The following PDGFRL variants were observed in gnomAD, a reference collection of about 807,000 sequenced individuals.
The protein encoded by PDGFRL is platelet-derived growth factor receptor-like protein.
Under a neutral mutation model 37.2 loss-of-function variants are expected in PDGFRL, and 46 were observed. The observed-to-expected ratio is 1.24, with a 90% CI of 0.98 to 1.58. The LOEUF (loss-of-function observed/expected upper bound fraction) is 1.58. Ranked by LOEUF, PDGFRL falls within the 40% of genes most tolerant of loss-of-function variation. PDGFRL has a pLI of 0.00. For synonymous variants in PDGFRL, 251 were observed against 184.3 expected, an observed-to-expected ratio of 1.36 and a Z score of -2.93; for missense variants, 692 against 467.6, an observed-to-expected ratio of 1.48 and a Z score of -4.43.
chr8:17,585,369 C>T (rs1039891779), intron 1 of PDGFRL, among the ~76,000 whole-genome samples: 2 of 151,862 alleles, frequency 1.3e-5, no homozygotes, highest in African/African-American at 4.9e-5. Context: ...TGGAGTCTCT[C>T]TGGTTCGAAT....
At chr8:17,624,842 C>T (rs999642904) in intron 3 of PDGFRL, among the ~76,000 whole-genome samples, 1 of 152,016 alleles carries the variant, frequency 6.6e-6, no homozygotes, top group African/African-American at 2.4e-5. Flanking sequence ...CAGGAGGCAG[C>T]GAGTCAAAGT....
At chr8:17,640,516 C>T (rs778646893) in intron 5 of PDGFRL, among the ~76,000 whole-genome samples, 2 of 152,106 alleles carry the variant, frequency 1.3e-5, no homozygotes, top group Non-Finnish European at 2.9e-5. Context: ...GTGTGGCTTC[C>T]TGAGAGCCAA....
At chr8:17,597,456 C>T (rs1269842167) in intron 2 of PDGFRL, among the ~76,000 whole-genome samples, 1 of 152,022 alleles carries the variant, frequency 6.6e-6, no homozygotes, top group Non-Finnish European at 1.5e-5. Flanking sequence ...AAAAGCAGGC[C>T]AACAGAGAGA....
intron 2 of PDGFRL, among the ~76,000 whole-genome samples, chr8:17,611,926 A>G (rs1223242476): frequency 6.6e-6 from 1 of 152,152 alleles, no homozygotes; most frequent in Non-Finnish European, 1.5e-5. Flanking sequence ...GGAAAGAACT[A>G]GAAATGCCGA....
chr8:17,582,882 G>T lies in PDGFRL; in HGVS notation c.55+5575G>T, dbSNP rs1269978111. On this transcript the variant is annotated intron_variant, in intron 1 of 5. Coordinates refer to ENST00000251630, the MANE Select transcript of PDGFRL (RefSeq NM_001372073.1). ...AGACTCAGGAGAATAGAATGGTTTT[G>T]GGGGGCAGGCCCTGCTGCTCTTCTG... Among the ~76,000 whole-genome samples the T allele has an allele frequency of 2.0e-5, 3 of 152,094 alleles. 1 individual carries two copies. Among genetic ancestry groups the T allele is most frequent in the African/African-American group, 4.8e-5 (2 of 41,384 alleles).
chr8:17,623,800 G>A (rs1804680809), intron 3 of PDGFRL, among the ~76,000 whole-genome samples: 2 of 149,778 alleles, frequency 1.3e-5, no homozygotes, highest in South Asian at 2.2e-4. Context: ...CCTGAATCTC[G>A]GAGTTGGTGG....
intron 2 of PDGFRL, among the ~76,000 whole-genome samples, chr8:17,591,117 C>T (rs6995322): frequency 1.3e-5 from 2 of 152,052 alleles, no homozygotes; most frequent in African/African-American, 2.4e-5. Flanking sequence ...CTCCTGACCT[C>T]ATGATCCGCC....
intron 5 of PDGFRL, 74 bp from the exon 6 acceptor site, chr8:17,642,539 A>G (rs1489108989): frequency 1.2e-6 from 1 of 852,112 alleles, no homozygotes; most frequent in Admixed American, 2.0e-5. Context: ...AACGCTCAAC[A>G]GTGTTGGGTG....
At chr8:17,614,091 AT>A (rs1321207253) in intron 2 of PDGFRL, among the ~76,000 whole-genome samples, 3 of 152,292 alleles carry the variant, frequency 2.0e-5, no homozygotes, top group Non-Finnish European at 4.4e-5. Flanking sequence ...CAGATGATAG[AT>A]TGATAGATGA....
At chr8:17,641,654 T>C (rs1459865097) in intron 5 of PDGFRL, among the ~76,000 whole-genome samples, 2 of 152,176 alleles carry the variant, frequency 1.3e-5, no homozygotes. Context: ...TTAGCCCTTG[T>C]GCATGTTCTG....
intron 2 of PDGFRL, among the ~76,000 whole-genome samples, chr8:17,601,907 G>C (rs529815769): frequency 6.6e-6 from 1 of 152,262 alleles, no homozygotes; most frequent in Non-Finnish European, 1.5e-5. Context: ...CTTTGCTCTT[G>C]TGACTAGTGC....
chr8:17,621,517 C>A (rs1199045734), intron 3 of PDGFRL, among the ~76,000 whole-genome samples: 1 of 151,720 alleles, frequency 6.6e-6, no homozygotes, highest in Non-Finnish European at 1.5e-5. Context: ...CCATTTGGTT[C>A]CAGGGTCTGT....
intron 2 of PDGFRL, among the ~76,000 whole-genome samples, chr8:17,591,809 A>G (rs1268962055): frequency 1.3e-5 from 2 of 152,024 alleles, no homozygotes; most frequent in Non-Finnish European, 2.9e-5. Context: ...AGCTACTCGG[A>G]AGGCTGAGGC....
intron 1 of PDGFRL, among the ~76,000 whole-genome samples, chr8:17,579,556 GTTATTATTA>G (rs3988349): frequency 2.5e-5 from 3 of 119,538 alleles, no homozygotes; most frequent in Admixed American, 1.6e-4. Flanking sequence ...TATTATTATT[GTTATTATTA>G]TTATTATTAT....
intron 2 of PDGFRL, among the ~76,000 whole-genome samples, chr8:17,592,251 A>T (rs1176071929): frequency 6.6e-6 from 1 of 152,202 alleles, no homozygotes; most frequent in Non-Finnish European, 1.5e-5. Context: ...AACCTAATAC[A>T]TGACTCAGTT....
intron 2 of PDGFRL, among the ~76,000 whole-genome samples, chr8:17,615,206 G>A (rs1036496416): frequency 2.0e-5 from 3 of 151,956 alleles, no homozygotes; most frequent in Non-Finnish European, 2.9e-5. Flanking sequence ...ATTAATTACC[G>A]GATGGTTTAG....
intron 2 of PDGFRL, among the ~76,000 whole-genome samples, chr8:17,611,419 C>A (rs1451231546): frequency 6.6e-6 from 1 of 152,172 alleles, no homozygotes; most frequent in Non-Finnish European, 1.5e-5. Context: ...GGATTTGAAC[C>A]AAGGAAAGCT....
intron 3 of PDGFRL, among the ~76,000 whole-genome samples, chr8:17,625,583 A>G (rs1176807738): frequency 6.6e-6 from 1 of 152,184 alleles, no homozygotes; most frequent in African/African-American, 2.4e-5. Context: ...AAACTTCAAC[A>G]CTTTGTTATT....
intron 2 of PDGFRL, among the ~76,000 whole-genome samples, chr8:17,597,620 GC>G (rs1169427403): frequency 2.0e-5 from 3 of 152,108 alleles, no homozygotes; most frequent in Non-Finnish European, 4.4e-5. Context: ...GATGTATCTG[GC>G]TTTATTCATC....
Sources: gnomAD v4.1 joint callset for allele counts (sites outside exome capture counted in the v4.1 genomes callset) on GRCh38, gnomAD v4.1.1 for gene constraint, MANE v1.5 for transcripts, NCBI Gene and HGNC (gene_info 2026-07-23, HGNC 2026-07-21) for gene names.